Variants in NHSL1 observed in about 807,000 individuals in gnomAD.
NHSL1 encodes NHS-like protein 1.
NHSL1 carries 48 observed loss-of-function variants against 95.0 expected under a neutral mutation model. The observed-to-expected ratio is 0.51, with a 90% CI of 0.40 to 0.64. The LOEUF is 0.64. Among genes scored for constraint, NHSL1 ranks in the 30% least tolerant of loss-of-function variants. The probability of loss-of-function intolerance (pLI) is 0.00; values close to 1 mark genes in which losing one functional copy is unlikely to be tolerated. For synonymous variants in NHSL1, 783 were observed against 833.9 expected (o/e 0.94, Z 1.05); for missense variants, 1,971 against 2,077.7 (o/e 0.95, Z 1.00).
At position 138,424,175 on chromosome 6, in the gene NHSL1, TGCAGGGAGGCG is replaced by T. The variant is rs1250509604; in HGVS notation, c.4716_4726del (p.Ser1574ProfsTer35). 6.8e-7 allele frequency: 1 copy of T among 1,465,462 alleles called. No homozygotes were observed. Among genetic ancestry groups the T allele is most frequent in the Admixed American group, 2.6e-5 (1 of 38,228 alleles). 90.8% of individuals were successfully genotyped at this position (1,465,462 alleles called of 1,614,324 possible). A position where few individuals can be genotyped will look rare whatever the true frequency, so the allele number is the denominator to read the frequency against. Reference sequence around the variant, plus strand: ...ATCCACAGGGCCGGGGGCCTGGGGCTGCAGGGAGGCGGCAGGCCCCTCCCCACAGAGCAGGC... The same window carrying T: ...ATCCACAGGGCCGGGGGCCTGGGGCTGCAGGCCCCTCCCCACAGAGCAGGC... On this transcript the variant is annotated frameshift_variant, in exon 8 of 8. Transcript: ENST00000343505. LOFTEE classifies it low-confidence loss of function (END_TRUNC). This position sits in a 1 kb window ranked among gnomAD's most constrained non-coding sequence, Gnocchi z 5.9.
intron 1 of NHSL1, among the ~76,000 whole-genome samples, chr6:138,570,832 G>T (rs147963647): frequency 6.6e-6 from 1 of 152,184 alleles, no homozygotes; most frequent in Non-Finnish European, 1.5e-5. Flanking sequence ...ACAATCACGC[G>T]GAAGGTCTGG....
intron 1 of NHSL1, among the ~76,000 whole-genome samples, chr6:138,610,539 T>TAAAAAA (rs1390403525): frequency 1.1e-3 from 127 of 114,452 alleles, no homozygotes; most frequent in African/African-American, 5.4e-3. Context: ...AAAAGTATAA[T>TAAAAAA]AATAAAAAAA....
Position 138,432,936 on chromosome 6 carries a change from T to G in NHSL1, c.1409A>C (p.His470Pro). Reference protein sequence around the residue: ...VKGDPQSPGRHWNEGHATILS... With the variant: ...VKGDPQSPGRPWNEGHATILS... The stretch of plus-strand genomic sequence containing the variant: ...AATGGTGGCATGGCCCTCATTCCAG[T>G]GGCGACCGGGAGACTGAGGATCACC... The change falls in exon 6 of 8, where the codon CAC becomes CCC. Residue 470 changes from histidine (H) to proline (P), a missense_variant. Transcript: ENST00000343505. The surrounding 1 kb of genome is among the most constrained non-coding windows in gnomAD (Gnocchi z 4.4). 6.4e-7 allele frequency: 1 copy of G among 1,551,410 alleles called. No homozygotes were observed. Among genetic ancestry groups the G allele is most frequent in the Non-Finnish European group, 8.7e-7 (1 of 1,146,708 alleles).
At chr6:138,525,544 T>G in intron 1 of NHSL1, among the ~76,000 whole-genome samples, 1 of 125,224 alleles carries the variant, frequency 8.0e-6, no homozygotes, top group East Asian at 2.0e-4. Flanking sequence ...AATAAATAAA[T>G]AAATAAATAA....
chr6:138,626,509 A>G (rs1474010069), intron 1 of NHSL1, among the ~76,000 whole-genome samples: 1 of 152,250 alleles, frequency 6.6e-6, no homozygotes, highest in East Asian at 1.9e-4. Context: ...TTTAAAAAGT[A>G]AAAACACCTC....
At chr6:138,520,168 C>G (rs1781618263) in intron 1 of NHSL1, among the ~76,000 whole-genome samples, 1 of 151,588 alleles carries the variant, frequency 6.6e-6, no homozygotes, top group Non-Finnish European at 1.5e-5. Flanking sequence ...TCTACACAGT[C>G]TTGGCATATA....
At chr6:138,425,626 C>T (rs1775213232) in intron 7 of NHSL1, among the ~76,000 whole-genome samples, 1 of 152,210 alleles carries the variant, frequency 6.6e-6, no homozygotes, top group African/African-American at 2.4e-5. Flanking sequence ...CCTAGACGGG[C>T]TGATCCGGAG....
chr6:138,577,257 T>C (rs1407009153), upstream of NHSL1, among the ~76,000 whole-genome samples: 2 of 152,242 alleles, frequency 1.3e-5, no homozygotes, highest in Non-Finnish European at 2.9e-5. Flanking sequence ...ACCAGGCATG[T>C]AATTGCTCTA....
At chr6:138,447,523 C>T (rs59671211) in intron 3 of NHSL1, among the ~76,000 whole-genome samples, 10,753 of 152,172 alleles carry the variant, frequency 0.071, 1,277 homozygotes, top group African/African-American at 0.25. Flanking sequence ...CCTGTAATCC[C>T]AGCACTTTAG....
At chr6:138,602,753 C>T (rs1483494033) in intron 1 of NHSL1, among the ~76,000 whole-genome samples, 1 of 152,186 alleles carries the variant, frequency 6.6e-6, no homozygotes, top group African/African-American at 2.4e-5. Flanking sequence ...TTTATCATTT[C>T]CCATGGATAA....
intron 3 of NHSL1, among the ~76,000 whole-genome samples, chr6:138,449,651 T>C (rs1000700687): frequency 6.6e-6 from 1 of 151,278 alleles, no homozygotes; most frequent in African/African-American, 2.4e-5. Flanking sequence ...CACTCCAGCC[T>C]GGCAACAGAT....
intron 1 of NHSL1, among the ~76,000 whole-genome samples, chr6:138,672,064 A>G (rs1455919852): frequency 6.6e-6 from 1 of 152,242 alleles, no homozygotes. Context: ...TTGGAGATAC[A>G]GAGGAAAATT....
upstream of NHSL1, among the ~76,000 whole-genome samples, chr6:138,546,826 G>T (rs1455320888): frequency 1.3e-5 from 2 of 152,176 alleles, no homozygotes; most frequent in African/African-American, 4.8e-5. Flanking sequence ...CAAGTTCAAG[G>T]TTACTTGACT....
At chr6:138,641,412 A>G (rs922173527) in intron 1 of NHSL1, among the ~76,000 whole-genome samples, 7 of 152,190 alleles carry the variant, frequency 4.6e-5, no homozygotes, top group Non-Finnish European at 1.0e-4. Flanking sequence ...CGGGCAAAAA[A>G]GCTTCAAGGA....
At chr6:138,535,563 T>C (rs557648934) in intron 1 of NHSL1, among the ~76,000 whole-genome samples, 5 of 151,920 alleles carry the variant, frequency 3.3e-5, no homozygotes, top group Admixed American at 6.6e-5. Context: ...GAAAACCCTG[T>C]CTCCCCTCCC....
intron 1 of NHSL1, among the ~76,000 whole-genome samples, chr6:138,648,800 G>C (rs1341805519): frequency 6.6e-6 from 1 of 152,054 alleles, no homozygotes; most frequent in African/African-American, 2.4e-5. Flanking sequence ...GTATTCCTGG[G>C]GGCTAAGAGC....
chr6:138,550,658 CA>C (rs1281545325), upstream of NHSL1, among the ~76,000 whole-genome samples: 13 of 152,188 alleles, frequency 8.5e-5, no homozygotes, highest in Non-Finnish European at 1.2e-4. Flanking sequence ...AAAACCACTC[CA>C]GTGTGATTTC....
At chr6:138,632,269 G>C (rs1403237825) in intron 1 of NHSL1, among the ~76,000 whole-genome samples, 2 of 152,180 alleles carry the variant, frequency 1.3e-5, no homozygotes, top group Non-Finnish European at 2.9e-5. Flanking sequence ...GACAGCACCT[G>C]GACCCATCCA....
rs1286115500 is a variant in NHSL1 at position 138,591,012 on chromosome 6, T to C, written c.97-94641A>G. On this transcript the variant is annotated intron_variant, in intron 1 of 3. Transcript: ENST00000491526. ...TTTCAGCAGGCCTGTGTATTGACCA[T>C]TGATCTCGGGCAATCCTCTGGGAAT... 7.2e-5 allele frequency among the ~76,000 whole-genome samples: 11 copies of C among 152,302 alleles called. No homozygotes were observed. In the South Asian group the frequency reaches 2.1e-3, roughly 29 times the overall value.
Sources: allele counts gnomAD v4.1 joint callset (sites outside exome capture counted in the v4.1 genomes callset), GRCh38; gene constraint gnomAD v4.1.1; non-coding constraint Gnocchi (gnomAD v3.1); transcripts MANE v1.5; gene names NCBI Gene and HGNC (gene_info 2026-07-23, HGNC 2026-07-21).